CCSER1: variants seen among roughly 807,000 people sequenced by gnomAD.
CCSER1 encodes the protein coiled-coil serine rich protein 1, also known as serine-rich coiled-coil domain-containing protein 1.
Under a neutral mutation model 82.0 loss-of-function variants are expected in CCSER1, and 41 were observed. That is an observed-to-expected ratio of 0.50 (90% confidence interval 0.39 to 0.65). The LOEUF is 0.65. CCSER1 is among the 30% of genes least tolerant of loss of function. The pLI is 0.00. For missense variants in CCSER1, 1,119 were observed against 1,064.2 expected, an observed-to-expected ratio of 1.05 and a Z score of -0.72; for synonymous variants, 414 against 383.9, an observed-to-expected ratio of 1.08 and a Z score of -0.92.
chr4:90,379,153 A>G (rs1247385756), intron 3 of CCSER1, among the ~76,000 whole-genome samples: 2 of 152,210 alleles, frequency 1.3e-5, no homozygotes, highest in East Asian at 3.8e-4. Flanking sequence ...TCTTGCTCAC[A>G]CAAAGTTTCA....
intron 1 of CCSER1, among the ~76,000 whole-genome samples, chr4:90,218,942 T>G (rs1028974799): frequency 2.0e-5 from 3 of 152,148 alleles, no homozygotes; most frequent in African/African-American, 7.2e-5. Flanking sequence ...GGTTATACTA[T>G]TGAGATTTGA....
chr4:90,947,680 CAG>C (rs1289515459), intron 9 of CCSER1, among the ~76,000 whole-genome samples: 3 of 152,122 alleles, frequency 2.0e-5, no homozygotes, highest in African/African-American at 7.2e-5. Context: ...TTCACAATGA[CAG>C]TGTTATTTCA....
Position 90,382,209 on chromosome 4 carries a change from C to T in CCSER1, c.1510-17827C>T, listed in dbSNP as rs1011951092. Among the ~76,000 whole-genome samples, 56 of 152,010 alleles carry T rather than the reference C, an allele frequency of 3.7e-4. 1 individual carries two copies. The highest frequency in any genetic ancestry group is 7.4e-5 in the Non-Finnish European group (5 of 67,922). On this transcript the variant is annotated intron_variant, in intron 3 of 10. Coordinates refer to ENST00000509176, the MANE Select transcript of CCSER1 (RefSeq NM_001145065.2). Reference sequence around the variant, plus strand: ...AAGAAATGAACCACTTCTATTTTAGCTTGACTTTCATTTGCTACAATTATT... The same window carrying T: ...AAGAAATGAACCACTTCTATTTTAGTTTGACTTTCATTTGCTACAATTATT...
intron 10 of CCSER1, among the ~76,000 whole-genome samples, chr4:91,162,032 G>A (rs1483058185): frequency 6.6e-6 from 1 of 152,126 alleles, no homozygotes; most frequent in Non-Finnish European, 1.5e-5. Flanking sequence ...GGGAATGCTT[G>A]CAGTTTTTGC....
At chr4:91,393,292 A>G (rs1168061207) in intron 10 of CCSER1, among the ~76,000 whole-genome samples, 1 of 152,110 alleles carries the variant, frequency 6.6e-6, no homozygotes. Flanking sequence ...AAAAATTAGA[A>G]AAGAATATGC....
chr4:91,077,556 G>A (rs1016950540), intron 9 of CCSER1, among the ~76,000 whole-genome samples: 7 of 152,150 alleles, frequency 4.6e-5, no homozygotes, highest in South Asian at 4.1e-4. Flanking sequence ...CGAAGAAGAC[G>A]GGTGATTTCT....
intron 9 of CCSER1, among the ~76,000 whole-genome samples, chr4:91,057,863 C>T (rs532953751): frequency 6.6e-6 from 1 of 152,178 alleles, no homozygotes; most frequent in South Asian, 2.1e-4. Flanking sequence ...GTTCTGTGTG[C>T]ATAATTTAGC....
chr4:90,270,743 CCTAAAGACTTCAAAAAT>C (rs1280409184), intron 1 of CCSER1, among the ~76,000 whole-genome samples: 1 of 151,950 alleles, frequency 6.6e-6, no homozygotes, highest in Non-Finnish European at 1.5e-5. Flanking sequence ...TTTGGAAAAA[CCTAAAGACTTCAAAAAT>C]CTATTTGAAC....
chr4:90,610,958 A>C (rs1261804964), intron 5 of CCSER1, among the ~76,000 whole-genome samples: 4 of 151,732 alleles, frequency 2.6e-5, no homozygotes, highest in Non-Finnish European at 4.4e-5. Flanking sequence ...GGCTCACTGC[A>C]ACCTCCCCTT....
intron 8 of CCSER1, among the ~76,000 whole-genome samples, chr4:90,853,773 A>T (rs988282377): frequency 1.3e-5 from 2 of 152,186 alleles, no homozygotes; most frequent in African/African-American, 4.8e-5. Context: ...TTCACATTTC[A>T]TAAACAGCAA....
chr4:90,682,014 C>CT (rs953317944), intron 6 of CCSER1, among the ~76,000 whole-genome samples: 56 of 148,862 alleles, frequency 3.8e-4, no homozygotes, highest in Non-Finnish European at 6.3e-4. Flanking sequence ...AAAAAAATAA[C>CT]TTTTTTTTTT....
intron 1 of CCSER1, among the ~76,000 whole-genome samples, chr4:90,192,925 A>G (rs537982920): frequency 6.6e-6 from 1 of 152,086 alleles, no homozygotes; most frequent in South Asian, 2.1e-4. Context: ...ACAAAAAACA[A>G]TTTTTCTTTC....
intron 10 of CCSER1, among the ~76,000 whole-genome samples, chr4:91,440,875 A>G (rs1755079637): frequency 6.6e-6 from 1 of 152,236 alleles, no homozygotes; most frequent in Non-Finnish European, 1.5e-5. Context: ...TCTAGAAGAA[A>G]TGGATAAATT....
chr4:90,748,348 C>T (rs1747906991), intron 7 of CCSER1, among the ~76,000 whole-genome samples: 1 of 151,236 alleles, frequency 6.6e-6, no homozygotes, highest in Non-Finnish European at 1.5e-5. Flanking sequence ...CATCCATGTC[C>T]CTACAAAGGA....
intron 10 of CCSER1, among the ~76,000 whole-genome samples, chr4:91,464,341 C>A (rs1756722001): frequency 6.6e-6 from 1 of 152,190 alleles, no homozygotes; most frequent in Non-Finnish European, 1.5e-5. Context: ...CCTACAAGAG[C>A]TCCTAAAGGA....
At chr4:90,411,789 A>T (rs372730603) in intron 4 of CCSER1, among the ~76,000 whole-genome samples, 28 of 152,332 alleles carry the variant, frequency 1.8e-4, no homozygotes, top group East Asian at 1.5e-3. Context: ...AGGCAGGGGA[A>T]GGAAATAGCG....
chr4:90,906,467 G>A (rs567996165), intron 8 of CCSER1, among the ~76,000 whole-genome samples: 77 of 152,178 alleles, frequency 5.1e-4, no homozygotes, highest in Admixed American at 1.4e-3. Flanking sequence ...GCTGTCATCA[G>A]CATATTACTG....
chr4:90,760,281 T>C (rs1750211492), intron 7 of CCSER1, among the ~76,000 whole-genome samples: 1 of 152,040 alleles, frequency 6.6e-6, no homozygotes, highest in Admixed American at 6.6e-5. Flanking sequence ...AATTTTATTC[T>C]TTTTTAATGT....
At position 90,864,559 on chromosome 4, in the gene CCSER1, C is replaced by G. The variant is rs557840318; in HGVS notation, c.2094+48714C>G. Among the ~76,000 whole-genome samples the G allele has an allele frequency of 5.7e-4, 86 of 152,074 alleles. 2 individuals are homozygous for G. Among genetic ancestry groups the G allele is most frequent in the African/African-American group, 1.9e-3 (78 of 41,510 alleles). ...TCATCATAAGGTGTGGCCCCCCAATCTTGGACTTCCTAGCCTTCAGTACCA... is the reference window on the plus strand; with the variant it reads ...TCATCATAAGGTGTGGCCCCCCAATGTTGGACTTCCTAGCCTTCAGTACCA... On this transcript the variant is annotated intron_variant, in intron 8 of 10. Transcript: ENST00000509176.
Sources: allele counts gnomAD v4.1 joint callset (sites outside exome capture counted in the v4.1 genomes callset), GRCh38; gene constraint gnomAD v4.1.1; transcripts MANE v1.5; gene names NCBI Gene and HGNC (gene_info 2026-07-23, HGNC 2026-07-21).